ZNF568: variants seen among roughly 807,000 people sequenced by gnomAD.
ZNF568 encodes zinc finger protein 568.
In ZNF568, 11 loss-of-function variants were observed where a neutral mutation model predicts 18.1. The observed-to-expected ratio is 0.61, with a 90% CI of 0.38 to 1.00. The LOEUF is 1.00. Among genes scored for constraint, ZNF568 ranks in the 50% least tolerant of loss-of-function variants. ZNF568 has a pLI of 0.01. For missense variants in ZNF568, 639 were observed against 768.2 expected (o/e 0.83, Z 1.99); for synonymous variants, 213 against 246.6 (o/e 0.86, Z 1.28).
intron 4 of ZNF568, among the ~76,000 whole-genome samples, chr19:36,927,903 ATTTTTTTTTTTTTTTTTT>A (rs71177414): frequency 2.3e-4 from 6 of 26,614 alleles, no homozygotes; most frequent in Admixed American, 7.2e-4. Context: ...ATATATATAT[ATTTTTTTTTTTTTTTTTT>A]TTTTTTTTTT....
chr19:36,939,730 G>A (rs559492599), intron 6 of ZNF568, among the ~76,000 whole-genome samples: 24 of 151,854 alleles, frequency 1.6e-4, no homozygotes, highest in Non-Finnish European at 2.2e-4. Flanking sequence ...TAGTAGAGAC[G>A]GGGTTTCACC....
intron 7 of ZNF568, chr19:36,978,905 C>T: frequency 3.5e-6 from 1 of 283,674 alleles, no homozygotes; most frequent in Non-Finnish European, 6.9e-6. Flanking sequence ...TCTATGAAAC[C>T]TGTGTCAGTC....
intron 4 of ZNF568, among the ~76,000 whole-genome samples, chr19:36,934,032 C>T (rs1263630938): frequency 7.0e-6 from 1 of 143,544 alleles, no homozygotes; most frequent in Admixed American, 7.2e-5. Context: ...TCATTCATTT[C>T]ATCTACTCTA....
chr19:36,974,201 T>C (rs557173014), intron 6 of ZNF568, among the ~76,000 whole-genome samples: 5 of 151,888 alleles, frequency 3.3e-5, no homozygotes, highest in East Asian at 3.9e-4. Context: ...TAGGCTGTTA[T>C]GGAGGAAGAG....
intron 3 of ZNF568, chr19:36,991,500 C>T: frequency 1.5e-6 from 1 of 685,620 alleles, no homozygotes; most frequent in Non-Finnish European, 2.3e-6. Context: ...CCTTTATCTT[C>T]ATTATTTTCA....
chr19:36,937,939 T>G (rs2073817404), intron 6 of ZNF568, among the ~76,000 whole-genome samples: 1 of 152,216 alleles, frequency 6.6e-6, no homozygotes, highest in Non-Finnish European at 1.5e-5. Flanking sequence ...AATCTTCCTC[T>G]TATCCTGGAC....
exon 5 of ZNF568, chr19:36,996,921 T>G (rs1328566530): frequency 6.5e-7 from 1 of 1,538,372 alleles, no homozygotes; most frequent in Non-Finnish European, 8.7e-7. Context: ...CTGCACAGCT[T>G]AATCTACATC....
chr19:36,959,801 G>T (rs1000004322), intron 6 of ZNF568, among the ~76,000 whole-genome samples: 28 of 151,972 alleles, frequency 1.8e-4, no homozygotes, highest in African/African-American at 6.8e-4. Flanking sequence ...ATAGCTGCTC[G>T]TAAGTCTCTG....
intron 6 of ZNF568, among the ~76,000 whole-genome samples, chr19:36,948,654 GTTGATT>G (rs2074003448): frequency 2.3e-5 from 1 of 43,546 alleles, no homozygotes; most frequent in African/African-American, 1.1e-4. Context: ...GTTTTTTGTT[GTTGATT>G]TTTTTTTTTT....
At chr19:36,934,592 AT>A (rs1335238613) in intron 4 of ZNF568, among the ~76,000 whole-genome samples, 2 of 152,068 alleles carry the variant, frequency 1.3e-5, no homozygotes, top group African/African-American at 4.8e-5. Context: ...AGAGTGCCAG[AT>A]TATGGGCACG....
intron 4 of ZNF568, among the ~76,000 whole-genome samples, chr19:36,927,480 A>G (rs115413368): frequency 0.017 from 2,633 of 152,156 alleles, 42 homozygotes; most frequent in Middle Eastern, 0.054. Flanking sequence ...TTGTGATGCC[A>G]CCTTTACTGT....
downstream of ZNF568, chr19:36,997,325 G>A (rs372458318): frequency 3.7e-6 from 6 of 1,600,428 alleles, no homozygotes; most frequent in East Asian, 2.3e-5. Flanking sequence ...AAGTCCTTTC[G>A]TCGTGGCTCA....
At chr19:36,936,696 CA>C in intron 4 of ZNF568, 49 bp from the exon 5 acceptor site, 1 of 1,576,178 alleles carries the variant, frequency 6.3e-7, no homozygotes, top group Non-Finnish European at 8.7e-7. Flanking sequence ...GTTGTGATCA[CA>C]ATGCCTAATT....
intron 2 of ZNF568, among the ~76,000 whole-genome samples, chr19:36,988,098 G>A (rs1234888341): frequency 6.6e-6 from 1 of 151,804 alleles, no homozygotes; most frequent in Non-Finnish European, 1.5e-5. Flanking sequence ...TTCATTGAAT[G>A]CATTCTTTCA....
chr19:36,975,540 C>T (rs1379308995), intron 7 of ZNF568, among the ~76,000 whole-genome samples: 2 of 152,088 alleles, frequency 1.3e-5, no homozygotes, highest in Non-Finnish European at 2.9e-5. Context: ...CGCATGCCAC[C>T]ACGCCCAGCT....
In ZNF568 at chr19:36,922,857, T is replaced by C. The variant is rs752604403; in HGVS notation, c.76+11T>C. ...TGATGGAAAGGAAAGGTGAGGTGGCTCATAGGTGGACAGAGCTTAGGAGAG... is the reference window on the plus strand; with the variant it reads ...TGATGGAAAGGAAAGGTGAGGTGGCCCATAGGTGGACAGAGCTTAGGAGAG... On this transcript the variant is annotated intron_variant, in intron 3 of 6. Coordinates refer to ENST00000333987, the MANE Select transcript of ZNF568 (RefSeq NM_198539.4). 17 of 1,613,324 alleles carry C rather than the reference T, an allele frequency of 1.1e-5. No individual in the cohort carries two copies. Among genetic ancestry groups the C allele is most frequent in the Non-Finnish European group, 1.4e-5 (16 of 1,179,454 alleles).
In ZNF568 at chr19:36,950,646, G is replaced by A. The variant is rs768988915; in HGVS notation, c.1493G>A (p.Gly498Asp). 5.0e-6 allele frequency: 8 copies of A among 1,613,950 alleles called. No individual in the cohort carries two copies. In the East Asian group the frequency reaches 1.8e-4, roughly 36 times the overall value. The change falls in exon 7 of 7, where the codon GGT becomes GAT. Residue 498 changes from glycine to aspartate, a missense_variant. Physicochemically the swap from Gly to Asp is moderately conservative, Grantham distance 94 (BLOSUM62 -1). Transcript: ENST00000333987. ...NLIRHQRIHT[G>D]EKPYACTVCG... ...ATTCGACACCAGAGAATTCATACGGGTGAGAAACCCTATGCATGTACAGTA... is the reference window on the plus strand; with the variant it reads ...ATTCGACACCAGAGAATTCATACGGATGAGAAACCCTATGCATGTACAGTA...
intron 6 of ZNF568, among the ~76,000 whole-genome samples, chr19:36,937,608 G>A (rs2073812862): frequency 6.6e-6 from 1 of 152,038 alleles, no homozygotes; most frequent in Non-Finnish European, 1.5e-5. Flanking sequence ...TCATGGTTGT[G>A]TAGTAATTTT....
In ZNF568 at chr19:36,974,580, G is replaced by A; in HGVS notation, c.405+114G>A. 4 of 1,104,986 alleles carry A rather than the reference G, an allele frequency of 3.6e-6. 1 individual carries two copies. Among genetic ancestry groups the A allele is most frequent in the South Asian group, 2.8e-5 (2 of 71,422 alleles). The allele number at this position is 1,104,986 out of a possible 1,614,324, so 68.4% of individuals were successfully genotyped here. On this transcript the variant is annotated intron_variant, in intron 7 of 7. Coordinates refer to the ZNF568 transcript ENST00000427117. ...TCATGATTTGGACAAAGGGGAAGAG[G>A]GGAGGAAACTGCATTTATGTAGCAT...
Sources: allele counts gnomAD v4.1 joint callset (sites outside exome capture counted in the v4.1 genomes callset), GRCh38; gene constraint gnomAD v4.1.1; transcripts MANE v1.5; gene names NCBI Gene and HGNC (gene_info 2026-07-23, HGNC 2026-07-21).